GSAP: variants seen among roughly 807,000 people sequenced by gnomAD.
The protein encoded by GSAP is gamma-secretase-activating protein.
In GSAP, 118 loss-of-function variants were observed where a neutral mutation model predicts 131.7. That is an observed-to-expected ratio of 0.90 (90% CI 0.77 to 1.04). The LOEUF (loss-of-function observed/expected upper bound fraction) is 1.04, where lower values mean the gene tolerates loss of function less well. Ranked by LOEUF, GSAP falls within the 50% of genes least tolerant of loss-of-function variation. The probability of loss-of-function intolerance (pLI) is 0.00; values close to 1 mark genes in which losing one functional copy is unlikely to be tolerated. For missense variants in GSAP, 1,019 were observed against 1,013.2 expected, an observed-to-expected ratio of 1.01 and a Z score of -0.08; for synonymous variants, 381 against 363.4, an observed-to-expected ratio of 1.05 and a Z score of -0.55.
intron 5 of GSAP, among the ~76,000 whole-genome samples, chr7:77,390,946 T>TTAAAAAAAAA (rs71531149): frequency 2.6e-5 from 1 of 37,928 alleles, no homozygotes; most frequent in African/African-American, 9.7e-5. Flanking sequence ...AGACTCCGTC[T>TTAAAAAAAAA]AAAAAAAAAA....
In GSAP at chr7:77,376,138, T is replaced by C. The variant is rs139794301; in HGVS notation, c.741+710A>G. On this transcript the variant is annotated intron_variant, in intron 10 of 30. Transcript: ENST00000257626. ...ACAAGTCCTTTTGGGTCAAATAACT[T>C]ATAACCCCTTAAAGCTATCTCTTAC... is the stretch of plus-strand genomic sequence containing the variant. 3.9e-5 allele frequency among the ~76,000 whole-genome samples: 6 copies of C among 152,288 alleles called. No individual in the cohort carries two copies. The East Asian group carries it at 9.7e-4, about 25-fold the overall frequency.
In GSAP at chr7:77,382,726, T is replaced by C. The variant is rs143395648; in HGVS notation, c.457-83A>G. On this transcript the variant is annotated intron_variant, in intron 6 of 30. Transcript: ENST00000257626. ...CCAAAGTTGTGTTTGATGACTGTAC[T>C]ATTACATACCATTGAAGAAACTGGG... 1,395 of 717,720 alleles carry C rather than the reference T, an allele frequency of 1.9e-3. 17 individuals are homozygous for C. The East Asian group carries it at 0.03, about 15-fold the overall frequency. 44.5% of individuals were successfully genotyped at this position (717,720 alleles called of 1,614,324 possible).
intron 5 of GSAP, among the ~76,000 whole-genome samples, chr7:77,394,165 C>T (rs1800005132): frequency 6.6e-6 from 1 of 152,168 alleles, no homozygotes; most frequent in Non-Finnish European, 1.5e-5. Flanking sequence ...GCTCAGTATG[C>T]GTATCTCTTC....
intron 16 of GSAP, 47 bp from the exon 17 acceptor site, chr7:77,353,688 T>C: frequency 8.9e-7 from 1 of 1,120,012 alleles, no homozygotes; most frequent in Non-Finnish European, 1.4e-6. Flanking sequence ...ATCTGCTCTC[T>C]GCCTCCACTA....
upstream of GSAP, chr7:77,416,532 C>T: frequency 1.0e-5 from 4 of 396,024 alleles, no homozygotes; most frequent in South Asian, 6.5e-5. Flanking sequence ...GAGCCGGAGC[C>T]GGGCACGGCG....
At chr7:77,378,673 G>T (rs1185133313) in intron 8 of GSAP, among the ~76,000 whole-genome samples, 1 of 152,122 alleles carries the variant, frequency 6.6e-6, no homozygotes, top group Non-Finnish European at 1.5e-5. Flanking sequence ...AGAAAACTGA[G>T]GTCCTGAGCA....
intron 14 of GSAP, among the ~76,000 whole-genome samples, chr7:77,358,161 CA>C (rs1794030682): frequency 6.6e-6 from 1 of 152,000 alleles, no homozygotes; most frequent in African/African-American, 2.4e-5. Context: ...GGCAGCATGA[CA>C]AAACCCCATC....
At position 77,402,728 on chromosome 7, in the gene GSAP, T is replaced by A. The variant is rs374915422; in HGVS notation, c.243+1831A>T. On this transcript the variant is annotated intron_variant, in intron 3 of 30. Transcript: ENST00000257626. ...ATGGGCTGTAAGGGTTGTGCCTACGTGGAGAAGAGATGGGAGAAGGGGAGG... is the reference window on the plus strand; with the variant it reads ...ATGGGCTGTAAGGGTTGTGCCTACGAGGAGAAGAGATGGGAGAAGGGGAGG... Among the ~76,000 whole-genome samples the A allele has an allele frequency of 5.5e-5, 8 of 144,892 alleles. No individual in the cohort carries two copies. In the East Asian group the frequency reaches 1.7e-3, roughly 30 times the overall value.
intron 12 of GSAP, among the ~76,000 whole-genome samples, chr7:77,370,187 G>A (rs894592215): frequency 1.3e-5 from 2 of 152,206 alleles, no homozygotes; most frequent in Non-Finnish European, 2.9e-5. Context: ...GCCAGGCGCG[G>A]TGGCTCATGC....
chr7:77,408,298 A>C (rs531680298), intron 1 of GSAP, among the ~76,000 whole-genome samples: 1 of 152,334 alleles, frequency 6.6e-6, no homozygotes, highest in South Asian at 2.1e-4. Context: ...AAATTTTAGG[A>C]TATTTCTCCT....
chr7:77,343,185 C>T (rs1002126686), intron 19 of GSAP, among the ~76,000 whole-genome samples: 2 of 152,070 alleles, frequency 1.3e-5, no homozygotes, highest in African/African-American at 2.4e-5. Flanking sequence ...GCAGCTGCCG[C>T]GCTTTAATAC....
intron 1 of GSAP, among the ~76,000 whole-genome samples, chr7:77,407,581 C>A (rs950592488): frequency 4.6e-5 from 7 of 151,868 alleles, no homozygotes; most frequent in Non-Finnish European, 7.4e-5. Context: ...TTTTGCTATT[C>A]TTTTATTAGT....
At chr7:77,374,406 G>C (rs1366566236) in intron 11 of GSAP, among the ~76,000 whole-genome samples, 2 of 152,030 alleles carry the variant, frequency 1.3e-5, no homozygotes, top group Non-Finnish European at 1.5e-5. Context: ...TTCTGATATA[G>C]AGTAATGCAC....
intron 14 of GSAP, among the ~76,000 whole-genome samples, chr7:77,358,913 A>C (rs1794136688): frequency 6.6e-6 from 1 of 152,236 alleles, no homozygotes; most frequent in Non-Finnish European, 1.5e-5. Flanking sequence ...TAGGCTAGGC[A>C]CAGTGGCTCA....
chr7:77,397,931 A>G (rs1800699114), intron 3 of GSAP, among the ~76,000 whole-genome samples: 1 of 152,216 alleles, frequency 6.6e-6, no homozygotes, highest in Admixed American at 6.5e-5. Flanking sequence ...TCACAAGTGC[A>G]TCTCCCATAG....
At chr7:77,391,905 C>G (rs1799608340) in intron 5 of GSAP, among the ~76,000 whole-genome samples, 1 of 152,102 alleles carries the variant, frequency 6.6e-6, no homozygotes, top group South Asian at 2.1e-4. Context: ...GCCATAAAAT[C>G]CCATTATTCT....
intron 19 of GSAP, among the ~76,000 whole-genome samples, chr7:77,346,872 A>ACT (rs111630960): frequency 0.58 from 85,268 of 146,890 alleles, 26,227 homozygotes; most frequent in African/African-American, 0.77. Flanking sequence ...GTCTCGGGAA[A>ACT]CTCTCTCTCC....
rs559706527 is a variant in GSAP, at chr7:77,311,351, T to C, written c.*7A>G. ...TGGCAGCAGCAGATCCAATTGCGTT[T>C]TCTTTTTCATAAGCCTAAAAGCATC... On this transcript the variant is annotated 3_prime_UTR_variant, in exon 31 of 31. Transcript: ENST00000257626. 1.9e-6 allele frequency: 3 copies of C among 1,567,034 alleles called. No individual in the cohort carries two copies. In the South Asian group the frequency reaches 3.3e-5, roughly 17 times the overall value.
chr7:77,325,313 T>C (rs909342298), intron 23 of GSAP, among the ~76,000 whole-genome samples: 1 of 152,208 alleles, frequency 6.6e-6, no homozygotes, highest in Admixed American at 6.5e-5. Flanking sequence ...ACAACACTAA[T>C]GACTGCAATA....
Sources: allele counts gnomAD v4.1 joint callset (sites outside exome capture counted in the v4.1 genomes callset), GRCh38; gene constraint gnomAD v4.1.1; transcripts MANE v1.5; gene names NCBI Gene and HGNC (gene_info 2026-07-23, HGNC 2026-07-21).